Variants in NRG3 observed in about 807,000 individuals in gnomAD.
NRG3 encodes the protein pro-neuregulin-3, membrane-bound isoform.
In NRG3, 31 loss-of-function variants were observed where a neutral mutation model predicts 66.9. The ratio of observed to expected loss-of-function variants is 0.46; its 90% CI spans 0.35 to 0.63. The LOEUF (loss-of-function observed/expected upper bound fraction) is 0.63, where lower values mean the gene tolerates loss of function less well. NRG3 is among the 20% of genes least tolerant of loss of function. NRG3 has a pLI of 0.00. For synonymous variants in NRG3, 393 were observed against 359.4 expected (o/e 1.09, Z -1.06); for missense variants, 910 against 878.9 (o/e 1.04, Z -0.45).
intron 2 of NRG3, among the ~76,000 whole-genome samples, chr10:82,378,842 A>AT (rs1463852599): frequency 6.6e-6 from 1 of 152,030 alleles, no homozygotes; most frequent in African/African-American, 2.4e-5. Context: ...AAGTGCTGGG[A>AT]TTACAGGCAT....
At chr10:82,457,131 A>G (rs994778631) in intron 2 of NRG3, among the ~76,000 whole-genome samples, 25 of 152,248 alleles carry the variant, frequency 1.6e-4, no homozygotes, top group Admixed American at 1.4e-3. Flanking sequence ...ACTAGATAAT[A>G]ATTTTATGTT....
At chr10:82,022,937 A>G (rs1161008435) in intron 1 of NRG3, among the ~76,000 whole-genome samples, 1 of 150,902 alleles carries the variant, frequency 6.6e-6, no homozygotes, top group African/African-American at 2.4e-5. Context: ...AAAATTATAT[A>G]TATATTTATG....
At chr10:82,711,759 A>G (rs2056683084) in intron 2 of NRG3, among the ~76,000 whole-genome samples, 1 of 151,992 alleles carries the variant, frequency 6.6e-6, no homozygotes, top group African/African-American at 2.4e-5. Context: ...TCAATTTTAC[A>G]CCATCTTTAC....
chr10:82,272,518 A>G (rs191825994), intron 1 of NRG3, among the ~76,000 whole-genome samples: 21 of 152,182 alleles, frequency 1.4e-4, no homozygotes, highest in Non-Finnish European at 2.6e-4. Context: ...CTAACCTTAT[A>G]AAGAATTTGG....
intron 1 of NRG3, among the ~76,000 whole-genome samples, chr10:81,975,734 G>T (rs1057114444): frequency 1.3e-5 from 2 of 152,114 alleles, no homozygotes; most frequent in African/African-American, 4.8e-5. Flanking sequence ...CTAAGACTAT[G>T]TTATGTTACA....
intron 3 of NRG3, among the ~76,000 whole-genome samples, chr10:82,803,535 T>G (rs1308825342): frequency 6.6e-6 from 1 of 152,154 alleles, no homozygotes; most frequent in Non-Finnish European, 1.5e-5. Context: ...TGATGTATAA[T>G]TTTTCACCTT....
At chr10:82,545,089 A>C (rs1409565174) in intron 2 of NRG3, among the ~76,000 whole-genome samples, 2 of 152,198 alleles carry the variant, frequency 1.3e-5, no homozygotes, top group African/African-American at 4.8e-5. Context: ...ATAGAAAGAA[A>C]GAACTAAGTA....
chr10:82,410,620 T>A (rs1002481555), intron 2 of NRG3, among the ~76,000 whole-genome samples: 2 of 151,796 alleles, frequency 1.3e-5, no homozygotes, highest in African/African-American at 4.8e-5. Context: ...GGTTGATGGT[T>A]GTACAACCTT....
chr10:82,007,967 A>G (rs956873629), intron 1 of NRG3, among the ~76,000 whole-genome samples: 1 of 152,076 alleles, frequency 6.6e-6, no homozygotes, highest in Non-Finnish European at 1.5e-5. Flanking sequence ...AACTTCTATT[A>G]TTTACTCATT....
chr10:82,690,943 C>T (rs2054877702), intron 2 of NRG3, among the ~76,000 whole-genome samples: 1 of 152,130 alleles, frequency 6.6e-6, no homozygotes. Flanking sequence ...TTTCTTCCAG[C>T]CTGGTACTTC....
intron 2 of NRG3, among the ~76,000 whole-genome samples, chr10:82,572,488 A>C (rs2045798197): frequency 6.6e-6 from 1 of 151,742 alleles, no homozygotes; most frequent in Admixed American, 6.6e-5. Flanking sequence ...TTGCAGTAAT[A>C]GTTCTGAAAA....
chr10:82,406,426 C>T (rs556530226), intron 2 of NRG3, among the ~76,000 whole-genome samples: 60 of 152,246 alleles, frequency 3.9e-4, no homozygotes, highest in South Asian at 1.5e-3. Flanking sequence ...AAAGACTGGC[C>T]TGGGAAAGTT....
intron 4 of NRG3, among the ~76,000 whole-genome samples, chr10:82,942,510 C>T (rs541568683): frequency 6.6e-6 from 1 of 152,140 alleles, no homozygotes; most frequent in African/African-American, 2.4e-5. Context: ...TCTCCAAGGA[C>T]AAAGAGCACA....
intron 2 of NRG3, among the ~76,000 whole-genome samples, chr10:82,691,174 A>G (rs1249160267): frequency 1.3e-5 from 2 of 152,204 alleles, no homozygotes; most frequent in African/African-American, 4.8e-5. Flanking sequence ...AGAAAGTACG[A>G]GATTTGGGAA....
intron 3 of NRG3, among the ~76,000 whole-genome samples, chr10:82,826,323 G>A (rs1362097961): frequency 1.3e-5 from 2 of 152,154 alleles, no homozygotes; most frequent in East Asian, 3.9e-4. Flanking sequence ...ACCATTCCTA[G>A]CCCCAGGGCT....
At chr10:82,016,423 G>A (rs534446935) in intron 1 of NRG3, among the ~76,000 whole-genome samples, 1 of 152,050 alleles carries the variant, frequency 6.6e-6, no homozygotes, top group African/African-American at 2.4e-5. Flanking sequence ...GAAAATGGCA[G>A]GCAGTAAGCA....
At chr10:82,747,162 A>T (rs1369542177) in intron 3 of NRG3, among the ~76,000 whole-genome samples, 1 of 152,012 alleles carries the variant, frequency 6.6e-6, no homozygotes, top group African/African-American at 2.4e-5. Context: ...CCCACTCAAT[A>T]TATTGTGAGC....
At chr10:82,019,751 G>A (rs2061971885) in intron 1 of NRG3, among the ~76,000 whole-genome samples, 4 of 152,032 alleles carry the variant, frequency 2.6e-5, no homozygotes, top group African/African-American at 9.7e-5. Context: ...TTCTCTGATG[G>A]TAGTTTGTAT....
intron 2 of NRG3, among the ~76,000 whole-genome samples, chr10:82,387,397 C>G (rs1461395376): frequency 1.3e-5 from 2 of 152,318 alleles, no homozygotes; most frequent in Admixed American, 1.3e-4. Flanking sequence ...TGTAATGGCA[C>G]TGCCAGGCTG....
Sources: allele counts gnomAD v4.1 joint callset (sites outside exome capture counted in the v4.1 genomes callset), GRCh38; gene constraint gnomAD v4.1.1; transcripts MANE v1.5; gene names NCBI Gene and HGNC (gene_info 2026-07-23, HGNC 2026-07-21).